Variants in CDK18 observed in about 807,000 individuals in gnomAD.
CDK18 encodes the protein cyclin dependent kinase 18.
Under a neutral mutation model 62.0 loss-of-function variants are expected in CDK18, and 52 were observed. The ratio of observed to expected loss-of-function variants is 0.84; its 90% CI spans 0.67 to 1.06. The LOEUF is 1.06. CDK18 is among the 50% of genes least tolerant of loss of function. The probability of loss-of-function intolerance (pLI) is 0.00; values close to 1 mark genes in which losing one functional copy is unlikely to be tolerated. For synonymous variants in CDK18, 237 were observed against 247.0 expected, an observed-to-expected ratio of 0.96 and a Z score of 0.38; for missense variants, 604 against 619.9, an observed-to-expected ratio of 0.97 and a Z score of 0.27.
At chr1:205,512,096 A>C (rs367663492) in intron 1 of CDK18, among the ~76,000 whole-genome samples, 7 of 152,276 alleles carry the variant, frequency 4.6e-5, no homozygotes, top group African/African-American at 1.7e-4. Flanking sequence ...GGGGACACAC[A>C]GGCAGGGTGC....
chr1:205,529,122 C>G, intron 11 of CDK18, 26 bp downstream of exon 11: 4 of 1,543,300 alleles, frequency 2.6e-6, no homozygotes, highest in Non-Finnish European at 3.5e-6. Context: ...CTCCGTCCCT[C>G]TCACCACCAG....
chr1:205,526,324 C>A, intron 6 of CDK18, 43 bp from the exon 7 acceptor site: 1 of 1,534,096 alleles, frequency 6.5e-7, no homozygotes, highest in Non-Finnish European at 9.0e-7. Flanking sequence ...GGTATGGGGA[C>A]ACATGGGGTC....
At position 205,526,814 on chromosome 1, in the gene CDK18, C is replaced by T. The variant is rs749808161; in HGVS notation, c.706C>T (p.Leu236Phe). The change falls in exon 8 of 16, where the codon CTC becomes TTC. Residue 236 changes from leucine to phenylalanine, a missense_variant. Transcript: ENST00000429964. Reference protein sequence around the residue: ...LKQYLDHCGNLMSMHNVKIFM... With the variant: ...LKQYLDHCGNFMSMHNVKIFM... ...GCAGTATCTGGACCACTGTGGGAAC[C>T]TCATGAGCATGCACAACGTCAAGGT... 46 of 1,613,990 alleles carry T rather than the reference C, an allele frequency of 2.9e-5. No individual in the cohort carries two copies. The highest frequency in any genetic ancestry group is 3.3e-5 in the Admixed American group (2 of 60,006).
chr1:205,523,677 G>A (rs557040775), intron 3 of CDK18, 52 bp downstream of exon 3: 3 of 1,526,476 alleles, frequency 2.0e-6, no homozygotes, highest in Middle Eastern at 1.7e-4. Context: ...CACGCACAAG[G>A]GTGTGCACAG....
At chr1:205,522,304 G>C (rs368879578) in intron 1 of CDK18, 1 of 152,282 alleles carries the variant, frequency 6.6e-6, no homozygotes, top group Non-Finnish European at 1.5e-5. Flanking sequence ...CCTCCATGGT[G>C]TTCTCGGTAG....
intron 1 of CDK18, among the ~76,000 whole-genome samples, chr1:205,506,026 AC>A (rs1667289463): frequency 6.6e-6 from 1 of 151,574 alleles, no homozygotes; most frequent in Non-Finnish European, 1.5e-5. Context: ...GGCATTCCCC[AC>A]CCGGGCATGG....
chr1:205,525,066 T>G (rs543977031), intron 4 of CDK18, 73 bp from the exon 5 acceptor site: 7 of 942,534 alleles, frequency 7.4e-6, no homozygotes, highest in African/African-American at 1.6e-5. Context: ...GAGGCTGGAG[T>G]TGGGGGAGGC....
At chr1:205,505,775 C>T (rs1202803187) in intron 1 of CDK18, among the ~76,000 whole-genome samples, 1 of 152,036 alleles carries the variant, frequency 6.6e-6, no homozygotes. Context: ...TCCTAGGCAC[C>T]AGCCCTGCCT....
chr1:205,519,065 C>T (rs1667981804), intron 1 of CDK18, among the ~76,000 whole-genome samples: 3 of 152,228 alleles, frequency 2.0e-5, no homozygotes, highest in Non-Finnish European at 4.4e-5. Context: ...ACGGGGACAG[C>T]CCCAGATGGC....
At position 205,530,713 on chromosome 1, in the gene CDK18, C is replaced by A; in HGVS notation, c.1390+8C>A. 3 of 1,611,874 alleles carry A rather than the reference C, an allele frequency of 1.9e-6. No individual in the cohort carries two copies. Among genetic ancestry groups the A allele is most frequent in the Non-Finnish European group, 2.5e-6 (3 of 1,178,400 alleles). On this transcript the variant is annotated splice_region_variant and intron_variant, in intron 15 of 15. Transcript: ENST00000429964. ...TGGCCTTCCAGCAGCCAGGTAGGGG[C>A]TTGTGCTCTCCTGGACCCCTCCCCT...
At position 205,529,579 on chromosome 1, in the gene CDK18, G is replaced by A; in HGVS notation, c.1221+16G>A. The A allele has an allele frequency of 6.2e-7, 1 of 1,613,628 alleles. No individual in the cohort carries two copies. The highest frequency in any genetic ancestry group is 8.5e-7 in the Non-Finnish European group (1 of 1,179,984). ...CCTGCTCCTGGTGAGTGTCCTCCCG[G>A]CGGGGCCCAGGGAGAGGCAGCCAAA... On this transcript the variant is annotated intron_variant, in intron 13 of 15. Transcript: ENST00000429964.
chr1:205,521,937 G>A (rs1002681894), intron 1 of CDK18, among the ~76,000 whole-genome samples: 3 of 152,228 alleles, frequency 2.0e-5, no homozygotes, highest in South Asian at 2.1e-4. Flanking sequence ...AGCTGGGAGC[G>A]GGTGCAGGGC....
chr1:205,516,651 G>C lies in CDK18; in HGVS notation c.-21-6496G>C, dbSNP rs116262112. On this transcript the variant is annotated intron_variant, in intron 1 of 15. Transcript: ENST00000429964. This position sits in a 1 kb window ranked among gnomAD's most constrained non-coding sequence, Gnocchi z 4.8. Reference sequence around the variant, plus strand: ...ATGAGGGAGACAGGTGAAAAGTCACGCCCCATTGAAGGAGGGGCACCTGGT... The same window carrying C: ...ATGAGGGAGACAGGTGAAAAGTCACCCCCCATTGAAGGAGGGGCACCTGGT... Among the ~76,000 whole-genome samples the C allele has an allele frequency of 6.6e-6, 1 of 152,146 alleles. No homozygotes were observed. The highest frequency in any genetic ancestry group is 1.5e-5 in the Non-Finnish European group (1 of 68,030).
chr1:205,519,182 C>T (rs1667988618), intron 1 of CDK18, among the ~76,000 whole-genome samples: 2 of 152,190 alleles, frequency 1.3e-5, no homozygotes, highest in Admixed American at 1.3e-4. Context: ...GTAGATAGCA[C>T]TAAGGTGACA....
At chr1:205,512,791 G>C (rs1479720683) in intron 1 of CDK18, among the ~76,000 whole-genome samples, 1 of 152,220 alleles carries the variant, frequency 6.6e-6, no homozygotes, top group South Asian at 2.1e-4. Flanking sequence ...GCCAGCTGGT[G>C]GGGGTGGAGT....
intron 1 of CDK18, among the ~76,000 whole-genome samples, chr1:205,515,198 A>T (rs536075849): frequency 2.1e-4 from 19 of 91,132 alleles, no homozygotes; most frequent in Admixed American, 1.8e-3. Flanking sequence ...TTTTTTTGAG[A>T]TGGAGTCTCG....
At chr1:205,506,593 G>A (rs931825175) in intron 1 of CDK18, among the ~76,000 whole-genome samples, 4 of 152,198 alleles carry the variant, frequency 2.6e-5, no homozygotes, top group Non-Finnish European at 5.9e-5. Flanking sequence ...CCATTTTACA[G>A]GTGAAGAAAC....
intron 5 of CDK18, among the ~76,000 whole-genome samples, chr1:205,525,835 G>A (rs562043975): frequency 7.9e-5 from 12 of 152,306 alleles, no homozygotes; most frequent in Admixed American, 7.2e-4. Context: ...TATCATAGAC[G>A]GGCACGCGGC....
At chr1:205,525,065 G>T (rs748849535) in intron 4 of CDK18, 74 bp from the exon 5 acceptor site, 29 of 952,156 alleles carry the variant, frequency 3.0e-5, no homozygotes, top group Middle Eastern at 2.2e-4. Flanking sequence ...AGAGGCTGGA[G>T]TTGGGGGAGG....
Sources: allele counts gnomAD v4.1 joint callset (sites outside exome capture counted in the v4.1 genomes callset), GRCh38; gene constraint gnomAD v4.1.1; non-coding constraint Gnocchi (gnomAD v3.1); transcripts MANE v1.5; gene names NCBI Gene and HGNC (gene_info 2026-07-23, HGNC 2026-07-21).